COMMD4: variants seen among roughly 807,000 people sequenced by gnomAD.
COMMD4 encodes COMM domain-containing protein 4.
In COMMD4, 18 loss-of-function variants were observed where a neutral mutation model predicts 27.5. That is an observed-to-expected ratio of 0.65 (90% CI 0.45 to 0.97). The LOEUF is 0.97. COMMD4 is among the 50% of genes least tolerant of loss of function. COMMD4 has a pLI of 0.00. For missense variants in COMMD4, 243 were observed against 250.0 expected, an observed-to-expected ratio of 0.97 and a Z score of 0.19; for synonymous variants, 108 against 108.4, an observed-to-expected ratio of 1.00 and a Z score of 0.02.
Position 75,340,120 on chromosome 15 carries a change from C to A in COMMD4, c.*115C>A. 2 of 1,235,956 alleles carry A rather than the reference C, an allele frequency of 1.6e-6. No individual in the cohort carries two copies. Among genetic ancestry groups the A allele is most frequent in the Non-Finnish European group, 2.3e-6 (2 of 888,404 alleles). 76.6% of individuals were successfully genotyped at this position (1,235,956 alleles called of 1,614,324 possible). A position where few individuals can be genotyped will look rare whatever the true frequency, so the allele number is the denominator to read the frequency against. On this transcript the variant is annotated 3_prime_UTR_variant, in exon 8 of 8. Coordinates refer to ENST00000267935, the MANE Select transcript of COMMD4 (RefSeq NM_017828.5). ...TAGGATGCTGAGGCCCTGGCCCGGA[C>A]TCTGGCCTCCCAGATCCCCAGCTGC...
chr15:75,336,951 A>G (rs2071219932), intron 1 of COMMD4: 1 of 152,294 alleles, frequency 6.6e-6, no homozygotes, highest in South Asian at 2.1e-4. Context: ...CTGGGAGAGT[A>G]TCATCTGCAG....
chr15:75,341,365 G>A (rs1031270394), downstream of COMMD4: 2 of 152,372 alleles, frequency 1.3e-5, no homozygotes, highest in African/African-American at 2.4e-5. Flanking sequence ...GACTCGCCTG[G>A]AGTATCTTAA....
chr15:75,339,412 A>G, intron 6 of COMMD4, 68 bp downstream of exon 6: 1 of 1,574,056 alleles, frequency 6.4e-7, no homozygotes, highest in Non-Finnish European at 8.6e-7. Context: ...AAGTGCATGG[A>G]GAGTCCAGGG....
chr15:75,339,070 G>C lies in COMMD4; in HGVS notation c.267G>C (p.Leu89Phe). The C allele has an allele frequency of 1.2e-6, 2 of 1,613,764 alleles. No homozygotes were observed. Among genetic ancestry groups the C allele is most frequent in the Non-Finnish European group, 8.5e-7 (1 of 1,179,950 alleles). Reference protein sequence around the residue: ...AAKHSVDGESLSSELQQLGLP... With the variant: ...AAKHSVDGESFSSELQQLGLP... ...AGCACAGTGTCGATGGCGAATCCTT[G>C]TCCAGTGAACTGCAGCAGCTGGGGC... The change falls in exon 5 of 8, where the codon TTG (leucine) becomes TTC (phenylalanine). Residue 89 changes from leucine (L) to phenylalanine (F), a missense_variant. Transcript: ENST00000267935.
downstream of COMMD4, chr15:75,342,296 T>G (rs1180355732): frequency 6.6e-6 from 1 of 152,188 alleles, no homozygotes; most frequent in East Asian, 1.9e-4. Flanking sequence ...ATCCCAGCAC[T>G]TTGGGAAGCC....
intron 4 of COMMD4, 52 bp from the exon 5 acceptor site, chr15:75,338,933 G>A (rs1368280713): frequency 6.2e-7 from 1 of 1,613,580 alleles, no homozygotes; most frequent in Non-Finnish European, 8.5e-7. Flanking sequence ...GGGCAACAGG[G>A]AGGTGGCTGG....
intron 1 of COMMD4, chr15:75,336,616 C>G (rs1313975836): frequency 1.6e-5 from 3 of 186,036 alleles, no homozygotes; most frequent in Non-Finnish European, 3.4e-5. Context: ...AGCGCCTGGT[C>G]TATACCATGA....
downstream of COMMD4, chr15:75,340,417 C>T (rs1011424713): frequency 5.5e-5 from 10 of 182,310 alleles, no homozygotes; most frequent in African/African-American, 7.0e-5. Context: ...CAACTGAGGA[C>T]CAAAATGCAT....
downstream of COMMD4, chr15:75,340,817 T>G (rs575337354): frequency 2.6e-5 from 4 of 151,532 alleles, no homozygotes; most frequent in East Asian, 3.9e-4. Flanking sequence ...TGTTTTTTTT[T>G]TTTTTTTTCA....
Position 75,339,986 on chromosome 15 carries a change from T to C in COMMD4, c.581T>C (p.Leu194Pro). The change falls in exon 8 of 8, where the codon CTG becomes CCG. Residue 194 changes from leucine to proline, a missense_variant. Physicochemically the swap from Leu to Pro is moderately conservative, Grantham distance 98. Coordinates refer to ENST00000267935, the MANE Select transcript of COMMD4 (RefSeq NM_017828.5). Reference sequence around the variant, plus strand: ...GCAGAACTGAAGCAGGCCCAGACCCTGATGAGCTCCCTGGGCTGAGGAGAA... The same window carrying C: ...GCAGAACTGAAGCAGGCCCAGACCCCGATGAGCTCCCTGGGCTGAGGAGAA... Reference protein sequence around the residue: ...LLAELKQAQTLMSSLG With the variant: ...LLAELKQAQTPMSSLG The C allele has an allele frequency of 6.2e-7, 1 of 1,614,120 alleles. No individual in the cohort carries two copies. The highest frequency in any genetic ancestry group is 1.3e-5 in the African/African-American group (1 of 75,056).
Position 75,336,065 on chromosome 15 carries a change from TC to T in COMMD4, c.-22del. 1 of 1,549,518 alleles carries T rather than the reference TC, an allele frequency of 6.5e-7. No homozygotes were observed. Among genetic ancestry groups the T allele is most frequent in the East Asian group, 2.4e-5 (1 of 40,908 alleles). ...ACCCTGCGGGACCGGAAAAAGAAAT[TC>T]CCGGGCCCTGGCTTCTTGGCGCGAT... On this transcript the variant is annotated 5_prime_UTR_variant, in exon 1 of 8. Coordinates refer to ENST00000267935, the MANE Select transcript of COMMD4 (RefSeq NM_017828.5).
In COMMD4 at chr15:75,340,085, G is replaced by T. The variant is rs2071405040; in HGVS notation, c.*80G>T. On this transcript the variant is annotated 3_prime_UTR_variant, in exon 8 of 8. Coordinates refer to ENST00000267935, the MANE Select transcript of COMMD4 (RefSeq NM_017828.5). ...CCTCTGAACTGCTCTTCGGGAGGCAGCCCTGGTTCTAGGATGCTGAGGCCC... is the reference window on the plus strand; with the variant it reads ...CCTCTGAACTGCTCTTCGGGAGGCATCCCTGGTTCTAGGATGCTGAGGCCC... The T allele has an allele frequency of 1.3e-6, 2 of 1,527,244 alleles. No homozygotes were observed. The highest frequency in any genetic ancestry group is 1.2e-5 in the South Asian group (1 of 85,810). The allele number at this position is 1,527,244 out of a possible 1,614,324, so 94.6% of individuals were successfully genotyped here. A position where few individuals can be genotyped will look rare whatever the true frequency, so the allele number is the denominator to read the frequency against.
chr15:75,339,422 G>GA, intron 6 of COMMD4, 78 bp downstream of exon 6: 24 of 1,562,220 alleles, frequency 1.5e-5, no homozygotes, highest in Non-Finnish European at 2.1e-5. Context: ...AGAGTCCAGG[G>GA]AGACGACTTA....
At chr15:75,338,510 G>A in intron 3 of COMMD4, 90 bp downstream of exon 3, 1 of 1,575,594 alleles carries the variant, frequency 6.3e-7, no homozygotes, top group Non-Finnish European at 8.7e-7. Context: ...AGACGGGTGA[G>A]CCAGCCTCTC....
In COMMD4 at chr15:75,336,108, C is replaced by G; in HGVS notation, c.3+16C>G. On this transcript the variant is annotated intron_variant, in intron 1 of 7. Coordinates refer to ENST00000267935, the MANE Select transcript of COMMD4 (RefSeq NM_017828.5). ...TGGCGCGATGGTGAGGCACTAGGGGCGAAGCGAGGCTTGGGCTGCTGGAGC... is the reference window on the plus strand; with the variant it reads ...TGGCGCGATGGTGAGGCACTAGGGGGGAAGCGAGGCTTGGGCTGCTGGAGC... 2.6e-6 allele frequency: 4 copies of G among 1,549,760 alleles called. No individual in the cohort carries two copies. Among genetic ancestry groups the G allele is most frequent in the Non-Finnish European group, 3.5e-6 (4 of 1,146,812 alleles).
chr15:75,339,646 G>T, intron 6 of COMMD4, 56 bp from the exon 7 acceptor site: 1 of 1,523,924 alleles, frequency 6.6e-7, no homozygotes, highest in Non-Finnish European at 8.8e-7. Flanking sequence ...GGTGTCGGCT[G>T]AGGTCTACTT....
intron 4 of COMMD4, 108 bp from the exon 5 acceptor site, chr15:75,338,877 T>G: frequency 1.3e-6 from 2 of 1,571,428 alleles, no homozygotes; most frequent in Non-Finnish European, 1.7e-6. Flanking sequence ...GCAGTAGCAG[T>G]GCCTGTGGCT....
In COMMD4 at chr15:75,338,982, C is replaced by G. The variant is rs199692029; in HGVS notation, c.182-3C>G. ...CCCCCTGCCCCACCCACGGGTCCCT[C>G]AGAGTCAGGCGATGTGAAGGCCACA... is the stretch of plus-strand genomic sequence containing the variant. On this transcript the variant is annotated splice_polypyrimidine_tract_variant and splice_region_variant and intron_variant, in intron 4 of 7. Coordinates refer to ENST00000267935, the MANE Select transcript of COMMD4 (RefSeq NM_017828.5). The G allele has an allele frequency of 4.9e-5, 79 of 1,613,814 alleles. No individual in the cohort carries two copies. Among genetic ancestry groups the G allele is most frequent in the South Asian group, 1.3e-4 (12 of 91,084 alleles).
chr15:75,339,849 C>G lies in COMMD4; in HGVS notation c.530C>G (p.Ser177Ter). The change falls in exon 7 of 8, where the codon TCA (serine) becomes TGA (stop). Residue 177 changes from serine to a stop codon, truncating the protein, a stop_gained. Transcript: ENST00000267935. LOFTEE classifies it high-confidence loss of function. ...GCCCAGCCTGTTGCCATGTCCCTCT[C>G]AGCAGACAAGTTCCAGGTCCTCCTG... ...TPAQPVAMSL[S>*]ADKFQVLLAE... is the part of the protein sequence containing the mutation. The G allele has an allele frequency of 6.2e-7, 1 of 1,613,668 alleles. No homozygotes were observed. The highest frequency in any genetic ancestry group is 8.5e-7 in the Non-Finnish European group (1 of 1,179,698).
Sources: gnomAD v4.1 joint callset for allele counts on GRCh38, gnomAD v4.1.1 for gene constraint, MANE v1.5 for transcripts, NCBI Gene and HGNC (gene_info 2026-07-23, HGNC 2026-07-21) for gene names.